Variants in TIAM2 observed in about 807,000 individuals in gnomAD.
The protein encoded by TIAM2 is rho guanine nucleotide exchange factor TIAM2.
TIAM2 carries 80 observed loss-of-function variants against 152.9 expected under a neutral mutation model. The observed-to-expected ratio is 0.52, with a 90% CI of 0.44 to 0.63. The LOEUF (loss-of-function observed/expected upper bound fraction) is 0.63, where lower values mean the gene tolerates loss of function less well. Among genes scored for constraint, TIAM2 ranks in the 30% least tolerant of loss-of-function variants. The probability of loss-of-function intolerance (pLI) is 0.00; values close to 1 mark genes in which losing one functional copy is unlikely to be tolerated. For synonymous variants in TIAM2, 804 were observed against 838.0 expected, an observed-to-expected ratio of 0.96 and a Z score of 0.70; for missense variants, 1,965 against 2,120.1, an observed-to-expected ratio of 0.93 and a Z score of 1.44.
intron 15 of TIAM2, among the ~76,000 whole-genome samples, chr6:155,231,551 CCTT>C (rs1262956605): frequency 6.6e-6 from 1 of 152,240 alleles, no homozygotes; most frequent in Non-Finnish European, 1.5e-5. Context: ...CTGCCCTTTT[CCTT>C]CTCCACTCCA....
chr6:155,120,413 C>G (rs1562322753), intron 2 of TIAM2, among the ~76,000 whole-genome samples: 1 of 152,160 alleles, frequency 6.6e-6, no homozygotes, highest in Non-Finnish European at 1.5e-5. Flanking sequence ...CCAGATGTTC[C>G]TTTTGCCTGC....
intron 2 of TIAM2, among the ~76,000 whole-genome samples, chr6:155,100,833 T>C (rs1447084888): frequency 6.6e-6 from 1 of 152,204 alleles, no homozygotes; most frequent in Non-Finnish European, 1.5e-5. Context: ...AATTAAATGA[T>C]GTGTCCAGTG....
intron 6 of TIAM2, among the ~76,000 whole-genome samples, chr6:155,146,353 C>T (rs1374051391): frequency 6.6e-6 from 1 of 152,126 alleles, no homozygotes; most frequent in African/African-American, 2.4e-5. Flanking sequence ...TGCACTCCAG[C>T]CCAGGCGACA....
chr6:155,187,983 C>A (rs1278654548), intron 14 of TIAM2, among the ~76,000 whole-genome samples: 1 of 152,206 alleles, frequency 6.6e-6, no homozygotes, highest in Non-Finnish European at 1.5e-5. Flanking sequence ...CGTGAGCACT[C>A]CCGCTGCCCC....
At chr6:155,118,704 C>T (rs987699265) in intron 2 of TIAM2, among the ~76,000 whole-genome samples, 2 of 151,902 alleles carry the variant, frequency 1.3e-5, no homozygotes, top group Admixed American at 1.3e-4. Flanking sequence ...CAGTGTGTTG[C>T]GATTACAGGC....
chr6:155,002,535 C>T (rs1252190547), intron 1 of TIAM2, among the ~76,000 whole-genome samples: 1 of 152,104 alleles, frequency 6.6e-6, no homozygotes, highest in Non-Finnish European at 1.5e-5. Context: ...TGGTTAACCC[C>T]CAGTCATCCA....
At chr6:155,017,256 G>A (rs1451177543) in intron 1 of TIAM2, among the ~76,000 whole-genome samples, 1 of 152,112 alleles carries the variant, frequency 6.6e-6, no homozygotes, top group Non-Finnish European at 1.5e-5. Flanking sequence ...AAACTGAGGG[G>A]CAAGGGGCTT....
At chr6:155,179,493 T>G (rs760067162) in intron 12 of TIAM2, 37 bp downstream of exon 12, 2 of 1,550,784 alleles carry the variant, frequency 1.3e-6, no homozygotes. Context: ...GGAATTGTGT[T>G]GTTCATCTTT....
At chr6:155,253,337 G>T in intron 24 of TIAM2, 1 of 380,694 alleles carries the variant, frequency 2.6e-6, no homozygotes, top group East Asian at 4.7e-5. Flanking sequence ...CCTAAAATGT[G>T]TTAGAAGAAC....
intron 4 of TIAM2, among the ~76,000 whole-genome samples, chr6:155,132,511 A>T (rs1265333136): frequency 6.6e-6 from 1 of 152,008 alleles, no homozygotes; most frequent in Non-Finnish European, 1.5e-5. Flanking sequence ...ATATTGTAGT[A>T]ATTTGTATAG....
intron 15 of TIAM2, among the ~76,000 whole-genome samples, chr6:155,212,903 C>T (rs972283285): frequency 9.2e-5 from 14 of 152,130 alleles, no homozygotes; most frequent in African/African-American, 3.4e-4. Flanking sequence ...CTAGCACGGG[C>T]GCCGGTTCCC....
At chr6:155,179,175 T>C (rs769596258) in intron 11 of TIAM2, 32 bp downstream of exon 11, 42 of 1,571,988 alleles carry the variant, frequency 2.7e-5, no homozygotes, top group Non-Finnish European at 3.5e-5. Flanking sequence ...GAAGGGAAAC[T>C]GAACCACATC....
chr6:155,009,063 C>CCTGTCCT (rs1778443731), intron 1 of TIAM2, among the ~76,000 whole-genome samples: 1 of 144,536 alleles, frequency 6.9e-6, no homozygotes. Context: ...ATCTCTGGGT[C>CCTGTCCT]CTGTCCTCTG....
chr6:155,020,593 C>A (rs1255354622), intron 1 of TIAM2, among the ~76,000 whole-genome samples: 1 of 152,084 alleles, frequency 6.6e-6, no homozygotes, highest in Non-Finnish European at 1.5e-5. Context: ...TCTTGAGTAA[C>A]TGGGATTACA....
At chr6:155,032,694 C>T (rs558088427) in intron 1 of TIAM2, among the ~76,000 whole-genome samples, 7 of 152,256 alleles carry the variant, frequency 4.6e-5, no homozygotes, top group Non-Finnish European at 8.8e-5. Context: ...GCACCTGCCA[C>T]CACGCCCAGC....
At position 155,107,029 on chromosome 6, in the gene TIAM2, A is replaced by G. The variant is rs181811728; in HGVS notation, c.-118+16650A>G. Among the ~76,000 whole-genome samples, 245 of 152,316 alleles carry G rather than the reference A, an allele frequency of 1.6e-3. 1 individual carries two copies. Among genetic ancestry groups the G allele is most frequent in the Middle Eastern group, 3.4e-3 (1 of 294 alleles). The stretch of plus-strand genomic sequence containing the variant: ...CGGCTGAGCATTTGAAGTGTTAGAC[A>G]CTGTTTCCTGGCTTACCATGAGCAG... On this transcript the variant is annotated intron_variant, in intron 2 of 26. Coordinates refer to ENST00000682666, the MANE Select transcript of TIAM2 (RefSeq NM_012454.4).
In TIAM2 at chr6:155,240,614, C is replaced by T. The variant is rs768725095; in HGVS notation, c.3253C>T (p.Pro1085Ser). The change falls in exon 16 of 27, where the codon CCT becomes TCT. Residue 1085 changes from proline (P) to serine (S), a missense_variant. Physicochemically the swap from Pro to Ser is moderately conservative, Grantham distance 74. Transcript: ENST00000682666. ...GGAAGGACCGCGGGAGAATCAGGAT[C>T]CTCCTCCGAGGTCTCTGGCCCGCCA... ...GMEGPRENQD[P>S]PPRSLARHLS... 43 of 1,614,036 alleles carry T rather than the reference C, an allele frequency of 2.7e-5. No homozygotes were observed. In the Admixed American group the frequency reaches 6.7e-4, roughly 25 times the overall value.
intron 23 of TIAM2, among the ~76,000 whole-genome samples, chr6:155,252,210 C>CG (rs1361346041): frequency 2.0e-5 from 3 of 152,114 alleles, no homozygotes; most frequent in Non-Finnish European, 4.4e-5. Flanking sequence ...CAGCTGGGCA[C>CG]GGTGGCTCAT....
chr6:154,995,339 G>GGCCGCC lies in TIAM2; in HGVS notation c.-359_-354dup. 6.6e-6 allele frequency: 1 copy of GGCCGCC among 151,076 alleles called. No individual in the cohort carries two copies. The highest frequency in any genetic ancestry group is 1.5e-5 in the Non-Finnish European group (1 of 67,588). The allele number at this position is 151,076 out of a possible 1,614,324, so 9.4% of individuals were successfully genotyped here. The stretch of plus-strand genomic sequence containing the variant: ...CAGCGGTAACCGTAACTGTGGCCGC[G>GGCCGCC]GCCGCCGCAGGCGCACAGCGCGCGT... On this transcript the variant is annotated 5_prime_UTR_variant, in exon 1 of 27. Transcript: ENST00000682666. This position sits in a 1 kb window ranked among gnomAD's most constrained non-coding sequence, Gnocchi z 5.2.
Sources: allele counts gnomAD v4.1 joint callset (sites outside exome capture counted in the v4.1 genomes callset), GRCh38; gene constraint gnomAD v4.1.1; non-coding constraint Gnocchi (gnomAD v3.1); transcripts MANE v1.5; gene names NCBI Gene and HGNC (gene_info 2026-07-23, HGNC 2026-07-21).